ZEB2: variants seen among roughly 807,000 people sequenced by gnomAD.
The protein encoded by ZEB2 is zinc finger E-box-binding homeobox 2.
ZEB2 carries 6 observed loss-of-function variants against 99.9 expected under a neutral mutation model. The ratio of observed to expected loss-of-function variants is 0.06; its 90% CI spans 0.03 to 0.12. ZEB2 has a LOEUF of 0.12. Among genes scored for constraint, ZEB2 ranks in the 10% least tolerant of loss-of-function variants. The probability of loss-of-function intolerance (pLI) is 1.00; values close to 1 mark genes in which losing one functional copy is unlikely to be tolerated. For missense variants in ZEB2, 969 were observed against 1,502.8 expected (o/e 0.64, Z 5.87); for synonymous variants, 517 against 542.5 (o/e 0.95, Z 0.65).
chr2:144,404,792 C>G (rs766882315), intron 5 of ZEB2, 44 bp downstream of exon 5: 120 of 1,600,096 alleles, frequency 7.5e-5, no homozygotes, highest in Non-Finnish European at 9.9e-5. Context: ...ATTGTAACAG[C>G]TGCAGAGGTC....
chr2:144,515,731 G>T (rs1705123146), intron 2 of ZEB2, among the ~76,000 whole-genome samples: 1 of 150,986 alleles, frequency 6.6e-6, no homozygotes, highest in Admixed American at 6.6e-5. Context: ...CATATGGCTC[G>T]ACACCTCCAC....
At chr2:144,511,733 A>C in intron 2 of ZEB2, 1 of 1,286,262 alleles carries the variant, frequency 7.8e-7, no homozygotes, top group Non-Finnish European at 1.0e-6. Context: ...AGGTGCCTGG[A>C]TGTTTCAAGG....
chr2:144,493,641 T>G (rs1404446358), intron 2 of ZEB2, among the ~76,000 whole-genome samples: 1 of 152,120 alleles, frequency 6.6e-6, no homozygotes, highest in African/African-American at 2.4e-5. Context: ...GATTGGAACA[T>G]GAAACAGTGA....
intron 1 of ZEB2, chr2:144,517,975 C>G (rs1418327682): frequency 1.2e-5 from 4 of 335,340 alleles, no homozygotes; most frequent in African/African-American, 2.2e-5. Flanking sequence ...TGGAGTTTAT[C>G]GAGGCACTGT....
chr2:144,450,452 AC>A (rs1219721103), intron 2 of ZEB2: 1 of 152,184 alleles, frequency 6.6e-6, no homozygotes, highest in African/African-American at 2.4e-5. Flanking sequence ...TGACTATTTT[AC>A]CTTTGGATTA....
In ZEB2 at chr2:144,388,422, G is replaced by T. The variant is rs1428283277; in HGVS notation, c.*1029C>A. ...CTATATATTGAAGAACTATAATACT[G>T]TACACTACAGTATGAAATAAATAAA... On this transcript the variant is annotated 3_prime_UTR_variant, in exon 10 of 10. Transcript: ENST00000627532. The surrounding 1 kb of genome is among the most constrained non-coding windows in gnomAD (Gnocchi z 5.4). The T allele has an allele frequency of 6.5e-6, 1 of 152,954 alleles. No homozygotes were observed. Among genetic ancestry groups the T allele is most frequent in the African/African-American group, 2.4e-5 (1 of 41,260 alleles). 9.5% of individuals were successfully genotyped at this position (152,954 alleles called of 1,614,324 possible). A position where few individuals can be genotyped will look rare whatever the true frequency, so the allele number is the denominator to read the frequency against.
At chr2:144,461,876 T>C (rs564503241) in intron 2 of ZEB2, 1 of 152,292 alleles carries the variant, frequency 6.6e-6, no homozygotes, top group African/African-American at 2.4e-5. Context: ...CGTGGTAACA[T>C]ATGCTAAAAA....
intron 2 of ZEB2, among the ~76,000 whole-genome samples, chr2:144,481,587 G>C (rs1704511997): frequency 6.6e-6 from 1 of 151,756 alleles, no homozygotes; most frequent in South Asian, 2.1e-4. Flanking sequence ...ACAGCATCAA[G>C]GTAAAGAATT....
chr2:144,499,344 G>T (rs1704835341), intron 2 of ZEB2, among the ~76,000 whole-genome samples: 1 of 152,274 alleles, frequency 6.6e-6, no homozygotes, highest in East Asian at 1.9e-4. Flanking sequence ...GATTTTAAAA[G>T]TCTAGCGGTT....
At chr2:144,417,984 T>C (rs568826193) in intron 4 of ZEB2, among the ~76,000 whole-genome samples, 8 of 152,338 alleles carry the variant, frequency 5.3e-5, no homozygotes, top group Admixed American at 5.2e-4. Flanking sequence ...AATAAATTTT[T>C]AAAAAGAATA....
chr2:144,487,932 A>C (rs932596756), intron 2 of ZEB2, among the ~76,000 whole-genome samples: 12 of 152,336 alleles, frequency 7.9e-5, no homozygotes, highest in Non-Finnish European at 1.5e-4. Flanking sequence ...TGAGCCTTAC[A>C]TGCTGTTTTC....
chr2:144,393,510 C>T (rs1285364358), intron 9 of ZEB2, among the ~76,000 whole-genome samples: 1 of 152,204 alleles, frequency 6.6e-6, no homozygotes, highest in Non-Finnish European at 1.5e-5. Context: ...ACAGTTCTCA[C>T]TTATAATTTT....
chr2:144,438,364 T>C (rs1370951588), intron 2 of ZEB2, among the ~76,000 whole-genome samples: 1 of 151,960 alleles, frequency 6.6e-6, no homozygotes, highest in East Asian at 1.9e-4. Flanking sequence ...ACCTTCAAGG[T>C]AGCAAGAGGT....
chr2:144,444,290 T>C (rs910803932), intron 2 of ZEB2, among the ~76,000 whole-genome samples: 2 of 152,218 alleles, frequency 1.3e-5, no homozygotes, highest in African/African-American at 2.4e-5. Context: ...CCCTTTAGAA[T>C]ACTATACACA....
At chr2:144,429,650 A>G (rs1703740394) in intron 3 of ZEB2, 119 bp downstream of exon 3, 3 of 1,513,034 alleles carry the variant, frequency 2.0e-6, no homozygotes, top group Non-Finnish European at 2.7e-6. Context: ...CTATTCTGCA[A>G]GGGCTCAATG....
chr2:144,506,523 G>A (rs534251711), intron 2 of ZEB2, among the ~76,000 whole-genome samples: 6 of 152,194 alleles, frequency 3.9e-5, no homozygotes, highest in African/African-American at 1.4e-4. Flanking sequence ...TGATGTGCAT[G>A]GTGTCTAAAA....
intron 2 of ZEB2, chr2:144,516,428 A>C (rs1573820292): frequency 7.2e-5 from 6 of 83,556 alleles, no homozygotes; most frequent in East Asian, 3.3e-4. Flanking sequence ...CGGACCTACC[A>C]AACTCTCACC....
At chr2:144,487,351 TATCAGGAACAATTTTGAATG>T (rs911728741) in intron 2 of ZEB2, among the ~76,000 whole-genome samples, 12 of 152,122 alleles carry the variant, frequency 7.9e-5, no homozygotes, top group African/African-American at 2.9e-4. Context: ...AGCCAGCACA[TATCAGGAACAATTTTGAATG>T]ATATATACTT....
intron 2 of ZEB2, chr2:144,464,196 T>C (rs1704239938): frequency 6.6e-6 from 1 of 152,180 alleles, no homozygotes; most frequent in East Asian, 1.9e-4. Flanking sequence ...CTGCTTGATA[T>C]TGTCTTGTTG....
Sources: gnomAD v4.1 joint callset for allele counts (sites outside exome capture counted in the v4.1 genomes callset) on GRCh38, gnomAD v4.1.1 for gene constraint, Gnocchi (gnomAD v3.1) non-coding constraint, MANE v1.5 for transcripts, NCBI Gene and HGNC (gene_info 2026-07-23, HGNC 2026-07-21) for gene names.